PTPRD: variants seen among roughly 807,000 people sequenced by gnomAD.
PTPRD encodes the protein receptor-type tyrosine-protein phosphatase delta.
A neutral mutation model predicts 214.5 loss-of-function variants in PTPRD; 34 were observed. The observed-to-expected ratio is 0.16, with a 90% confidence interval of 0.12 to 0.21. The LOEUF (loss-of-function observed/expected upper bound fraction) is 0.21, where lower values mean the gene tolerates loss of function less well. Ranked by LOEUF, PTPRD falls within the 10% of genes least tolerant of loss-of-function variation. The probability of loss-of-function intolerance (pLI) is 1.00; values close to 1 mark genes in which losing one functional copy is unlikely to be tolerated. For synonymous variants in PTPRD, 1,128 were observed against 845.7 expected, an observed-to-expected ratio of 1.33 and a Z score of -5.79; for missense variants, 2,545 against 2,398.7, an observed-to-expected ratio of 1.06 and a Z score of -1.27.
chr9:9,134,058 C>CTTTTTTTTTT (rs928663989), intron 10 of PTPRD, among the ~76,000 whole-genome samples: 4 of 75,442 alleles, frequency 5.3e-5, no homozygotes, highest in Non-Finnish European at 6.9e-5. Context: ...TAGAATCATT[C>CTTTTTTTTTT]TTTTTTTTTT....
At chr9:8,667,860 T>C (rs370931215) in intron 12 of PTPRD, among the ~76,000 whole-genome samples, 2 of 152,142 alleles carry the variant, frequency 1.3e-5, no homozygotes, top group East Asian at 3.8e-4. Flanking sequence ...ACCCTGATTC[T>C]ACAGGCAATT....
At chr9:8,831,805 G>C (rs1288041570) in intron 11 of PTPRD, among the ~76,000 whole-genome samples, 2 of 152,130 alleles carry the variant, frequency 1.3e-5, no homozygotes, top group Non-Finnish European at 2.9e-5. Context: ...CAAAACCTCA[G>C]AGAAAGTTTC....
intron 3 of PTPRD, among the ~76,000 whole-genome samples, chr9:10,131,317 C>T (rs2098879583): frequency 1.3e-5 from 2 of 152,216 alleles, no homozygotes; most frequent in East Asian, 1.9e-4. Flanking sequence ...TTTTATGCAT[C>T]AGCATCCTTC....
At chr9:8,642,161 A>C (rs1208656248) in intron 12 of PTPRD, among the ~76,000 whole-genome samples, 1 of 133,276 alleles carries the variant, frequency 7.5e-6, no homozygotes, top group Non-Finnish European at 1.5e-5. Context: ...TGGCCAACTG[A>C]CTTAAAACAG....
intron 8 of PTPRD, among the ~76,000 whole-genome samples, chr9:9,473,252 T>C (rs1569568635): frequency 6.6e-6 from 1 of 152,172 alleles, no homozygotes; most frequent in Non-Finnish European, 1.5e-5. Context: ...GCCTGACTTA[T>C]TTCACTTAAC....
intron 10 of PTPRD, among the ~76,000 whole-genome samples, chr9:9,138,734 A>T (rs1366310185): frequency 6.6e-6 from 1 of 152,176 alleles, no homozygotes; most frequent in Non-Finnish European, 1.5e-5. Context: ...TCAGAACTAA[A>T]CAGTTCTGTA....
chr9:9,097,870 T>G (rs920580648), intron 10 of PTPRD, among the ~76,000 whole-genome samples: 20 of 152,052 alleles, frequency 1.3e-4, no homozygotes, highest in Admixed American at 6.6e-5. Context: ...TCCTAAGGAG[T>G]AAACATTGGG....
chr9:10,101,458 T>C lies in PTPRD; in HGVS notation c.-544-67668A>G, dbSNP rs532694342. Among the ~76,000 whole-genome samples, 13 of 151,750 alleles carry C rather than the reference T, an allele frequency of 8.6e-5. No individual in the cohort carries two copies. In the South Asian group the frequency reaches 2.5e-3, roughly 29 times the overall value. ...TAGTTTCTCACCTTCCATCCTCTGC[T>C]AGATACCTTTGAACAGGGCACAAAC... is the stretch of plus-strand genomic sequence containing the variant. On this transcript the variant is annotated intron_variant, in intron 3 of 45. Transcript: ENST00000381196.
intron 11 of PTPRD, among the ~76,000 whole-genome samples, chr9:8,829,479 G>A (rs2097243247): frequency 6.6e-6 from 1 of 151,756 alleles, no homozygotes; most frequent in African/African-American, 2.4e-5. Context: ...TTGTATTGGT[G>A]AGTAGCTCTG....
chr9:9,072,786 T>C (rs1591066602), intron 10 of PTPRD, among the ~76,000 whole-genome samples: 1 of 152,310 alleles, frequency 6.6e-6, no homozygotes, highest in African/African-American at 2.4e-5. Flanking sequence ...TTAAACACTA[T>C]GTTAGAATGT....
chr9:9,139,102 C>A (rs561756522), intron 10 of PTPRD, among the ~76,000 whole-genome samples: 5 of 151,718 alleles, frequency 3.3e-5, no homozygotes, highest in African/African-American at 1.2e-4. Context: ...GCCCCCCTCC[C>A]CCCCGCCCCC....
At chr9:9,035,159 G>T (rs1471700229) in intron 10 of PTPRD, among the ~76,000 whole-genome samples, 2 of 152,050 alleles carry the variant, frequency 1.3e-5, no homozygotes, top group African/African-American at 2.4e-5. Flanking sequence ...CCTCTGCTCA[G>T]TGAACACTTT....
At chr9:10,460,431 GAA>G (rs995827531) in intron 2 of PTPRD, among the ~76,000 whole-genome samples, 1 of 138,292 alleles carries the variant, frequency 7.2e-6, no homozygotes, top group African/African-American at 2.6e-5. Context: ...AAACAATTCT[GAA>G]AAAAAAAAAA....
At chr9:9,095,433 G>A (rs1048419955) in intron 10 of PTPRD, among the ~76,000 whole-genome samples, 7 of 152,288 alleles carry the variant, frequency 4.6e-5, no homozygotes, top group Non-Finnish European at 1.0e-4. Context: ...ATGTATTTCA[G>A]TTGTTTCAAT....
At chr9:10,089,121 T>G (rs2098398043) in intron 3 of PTPRD, among the ~76,000 whole-genome samples, 1 of 151,246 alleles carries the variant, frequency 6.6e-6, no homozygotes, top group Non-Finnish European at 1.5e-5. Flanking sequence ...GTGGAAGGAT[T>G]GCTTAAGCCT....
chr9:9,676,452 G>C (rs1035758015), intron 7 of PTPRD, among the ~76,000 whole-genome samples: 11 of 151,968 alleles, frequency 7.2e-5, no homozygotes, highest in Non-Finnish European at 1.5e-4. Flanking sequence ...CAAAGGACAT[G>C]AACTCATCAT....
chr9:8,557,431 A>AATATATATAT lies in PTPRD; in HGVS notation c.353-28653_353-28652insATATATATAT, dbSNP rs1281715374. On this transcript the variant is annotated intron_variant, in intron 14 of 45. Transcript: ENST00000381196. ...CAAAACTCTTTATTTTTCATTTGTA[A>AATATATATAT]ATACATATATATATATATATATATA... Among the ~76,000 whole-genome samples the AATATATATAT allele has an allele frequency of 7.5e-4, 84 of 111,716 alleles. 7 individuals carry two copies. Among genetic ancestry groups the AATATATATAT allele is most frequent in the African/African-American group, 5.6e-3 (73 of 12,972 alleles). The allele number at this position is 111,716 out of a possible 152,430, so 73.3% of individuals were successfully genotyped here.
intron 10 of PTPRD, among the ~76,000 whole-genome samples, chr9:9,178,602 TA>T (rs1171476730): frequency 1.3e-5 from 2 of 152,126 alleles, no homozygotes; most frequent in Non-Finnish European, 2.9e-5. Flanking sequence ...TGACAAACTC[TA>T]AGTCTAGTTA....
chr9:8,477,738 A>G (rs2096793943), intron 30 of PTPRD, among the ~76,000 whole-genome samples: 1 of 152,154 alleles, frequency 6.6e-6, no homozygotes, highest in African/African-American at 2.4e-5. Flanking sequence ...TCTTAGTTCT[A>G]AGGTTTGTCT....
Sources: gnomAD v4.1 joint callset for allele counts (sites outside exome capture counted in the v4.1 genomes callset) on GRCh38, gnomAD v4.1.1 for gene constraint, MANE v1.5 for transcripts, NCBI Gene and HGNC (gene_info 2026-07-23, HGNC 2026-07-21) for gene names.